SYNE1: variants seen among roughly 807,000 people sequenced by gnomAD.
The protein encoded by SYNE1 is spectrin repeat containing nuclear envelope protein 1.
In SYNE1, 616 loss-of-function variants were observed where a neutral mutation model predicts 1,111.0. That is an observed-to-expected ratio of 0.55 (90% confidence interval 0.52 to 0.59). The LOEUF is 0.59. SYNE1 is among the 20% of genes least tolerant of loss of function. SYNE1 has a pLI of 0.00. For synonymous variants in SYNE1, 3,855 were observed against 3,825.8 expected (o/e 1.01, Z -0.28); for missense variants, 10,006 against 10,417.0 (o/e 0.96, Z 1.72).
intron 3 of SYNE1, among the ~76,000 whole-genome samples, chr6:152,620,989 G>A (rs2099674141): frequency 6.6e-6 from 1 of 152,184 alleles, no homozygotes; most frequent in African/African-American, 2.4e-5. Context: ...AGCTAGAGGG[G>A]TTTAGAGGAA....
At chr6:152,326,793 T>C (rs543892596) in intron 78 of SYNE1, among the ~76,000 whole-genome samples, 160 bp from the exon 79 acceptor site, 51 of 152,354 alleles carry the variant, frequency 3.3e-4, no homozygotes, top group African/African-American at 1.2e-3. Flanking sequence ...GCCATCATCA[T>C]TATCCTTGAT....
intron 93 of SYNE1, among the ~76,000 whole-genome samples, chr6:152,296,915 C>A (rs907110884): frequency 3.3e-5 from 5 of 152,130 alleles, no homozygotes; most frequent in African/African-American, 1.2e-4. Flanking sequence ...ATTTTTATCA[C>A]CAGGGTGGAC....
At chr6:152,497,549 C>T (rs1031107766) in intron 11 of SYNE1, among the ~76,000 whole-genome samples, 6 of 152,306 alleles carry the variant, frequency 3.9e-5, no homozygotes, top group African/African-American at 1.4e-4. Context: ...GGACAGGCTG[C>T]TCACCAACTT....
Position 152,613,892 on chromosome 6 carries a change from T to C in SYNE1, c.67+14373A>G, listed in dbSNP as rs190737785. 2.8e-3 allele frequency among the ~76,000 whole-genome samples: 430 copies of C among 152,318 alleles called. 3 individuals are homozygous for C. Among genetic ancestry groups the C allele is most frequent in the African/African-American group, 8.7e-3 (361 of 41,562 alleles). ...CAGAAACAAGAAATGGGGAAAGGAT[T>C]TCCTATTTAACAAATGGTGCTGGGA... On this transcript the variant is annotated intron_variant, in intron 3 of 145. Transcript: ENST00000367255.
intron 93 of SYNE1, among the ~76,000 whole-genome samples, chr6:152,295,180 T>A (rs1377284689): frequency 1.3e-5 from 2 of 152,236 alleles, no homozygotes; most frequent in Non-Finnish European, 2.9e-5. Context: ...TGCACACTGG[T>A]TCACTCATTG....
At chr6:152,478,831 A>G (rs2098853826) in intron 14 of SYNE1, among the ~76,000 whole-genome samples, 1 of 152,154 alleles carries the variant, frequency 6.6e-6, no homozygotes, top group South Asian at 2.1e-4. Flanking sequence ...TTTTCCAGCC[A>G]CAGTCAGCTA....
chr6:152,352,395 T>C (rs1466956937), intron 69 of SYNE1, 42 bp from the exon 70 acceptor site: 1 of 1,561,908 alleles, frequency 6.4e-7, no homozygotes, highest in Non-Finnish European at 8.6e-7. Context: ...GTCTTGTTTC[T>C]TTTCTTTTCT....
At chr6:152,139,454 C>A (rs1181512874) in intron 140 of SYNE1, among the ~76,000 whole-genome samples, 3 of 150,972 alleles carry the variant, frequency 2.0e-5, no homozygotes, top group Non-Finnish European at 4.4e-5. Context: ...GCCTGTAATC[C>A]CAGCTACTAG....
chr6:152,282,244 A>G (rs2094076577), intron 96 of SYNE1, among the ~76,000 whole-genome samples: 1 of 152,204 alleles, frequency 6.6e-6, no homozygotes, highest in East Asian at 1.9e-4. Flanking sequence ...TAACATACCT[A>G]TAGGACCAGG....
chr6:152,516,802 T>C (rs374807871), intron 6 of SYNE1, among the ~76,000 whole-genome samples: 25 of 152,200 alleles, frequency 1.6e-4, no homozygotes, highest in African/African-American at 5.1e-4. Flanking sequence ...CCCAGGCTGA[T>C]CTCAAACTCC....
At chr6:152,577,634 A>T (rs1346338171) in intron 3 of SYNE1, among the ~76,000 whole-genome samples, 1 of 152,188 alleles carries the variant, frequency 6.6e-6, no homozygotes, top group Non-Finnish European at 1.5e-5. Context: ...CTCCATCTCA[A>T]CGACAACAAA....
chr6:152,526,194 A>G lies in SYNE1; in HGVS notation c.130-19T>C, dbSNP rs536958225. The G allele has an allele frequency of 3.1e-6, 5 of 1,607,400 alleles. No homozygotes were observed. The highest frequency in any genetic ancestry group is 2.7e-5 in the African/African-American group (2 of 74,950). On this transcript the variant is annotated intron_variant, in intron 4 of 145. Coordinates refer to ENST00000367255, the MANE Select transcript of SYNE1 (RefSeq NM_182961.4). ...GTTTCCGCTGTAAAAGCAAAGAGGA[A>G]TAAGTGCAGAAAATATCTCTTCCCT...
intron 73 of SYNE1, among the ~76,000 whole-genome samples, chr6:152,346,414 G>A (rs1403407174): frequency 6.6e-6 from 1 of 152,096 alleles, no homozygotes; most frequent in Non-Finnish European, 1.5e-5. Flanking sequence ...TGATTCACCT[G>A]CTTTGGCCTC....
chr6:152,177,561 C>G (rs1445384220), intron 129 of SYNE1, among the ~76,000 whole-genome samples: 1 of 152,152 alleles, frequency 6.6e-6, no homozygotes, highest in East Asian at 1.9e-4. Flanking sequence ...TTTACCTAAG[C>G]CAAAGGGCCC....
At chr6:152,277,867 G>C (rs760015415) in intron 98 of SYNE1, 10 of 602,066 alleles carry the variant, frequency 1.7e-5, no homozygotes, top group Admixed American at 1.6e-4. Flanking sequence ...CCACCACTCC[G>C]CTGAACAGCT....
At chr6:152,522,896 ATTGT>A (rs948030123) in intron 5 of SYNE1, among the ~76,000 whole-genome samples, 50 of 151,788 alleles carry the variant, frequency 3.3e-4, no homozygotes, top group African/African-American at 1.2e-3. Flanking sequence ...TTTTGATGGT[ATTGT>A]TTGTCTTTTT....
intron 101 of SYNE1, 67 bp downstream of exon 101, chr6:152,261,965 T>G (rs758139567): frequency 4.2e-5 from 58 of 1,369,106 alleles, no homozygotes; most frequent in Non-Finnish European, 5.7e-5. Context: ...ATTGCACAGT[T>G]ATAATCCCTC....
rs768914305 is a variant in SYNE1, at chr6:152,133,467, C to T, written c.25810G>A (p.Glu8604Lys). The T allele has an allele frequency of 3.7e-6, 6 of 1,614,190 alleles. No individual in the cohort carries two copies. In the South Asian group the frequency reaches 6.6e-5, roughly 18 times the overall value. The change falls in exon 143 of 146, where the codon GAA (glutamate) becomes AAA (lysine). Residue 8604 changes from glutamate (E) to lysine (K), a missense_variant. Glu to Lys is a moderately conservative substitution (Grantham distance 56). Around this residue, in one of 7 missense-constraint regions of SYNE1, gnomAD observed 761 missense variants for 795.5 expected, o/e 0.96. Transcript: ENST00000367255. Reference protein sequence around the residue: ...QLMQIKHELLESQLRVASLQD... With the variant: ...QLMQIKHELLKSQLRVASLQD... ...AAAGAGGCTACTCTGAGTTGGGATT[C>T]CAACAGCTCATGCTTTATTTGCTAT...
intron 3 of SYNE1, among the ~76,000 whole-genome samples, chr6:152,612,245 G>A (rs183880760): frequency 0.016 from 2,462 of 151,966 alleles, 35 homozygotes; most frequent in Non-Finnish European, 0.023. Flanking sequence ...TTGATAGACT[G>A]CTAGCAAGAC....
Sources: gnomAD v4.1 joint callset for allele counts (sites outside exome capture counted in the v4.1 genomes callset) on GRCh38, gnomAD v4.1.1 for gene constraint, gnomAD v4.1.1 regional missense constraint, MANE v1.5 for transcripts, NCBI Gene and HGNC (gene_info 2026-07-23, HGNC 2026-07-21) for gene names.